NSD1: variants seen among roughly 807,000 people sequenced by gnomAD.
The protein encoded by NSD1 is histone-lysine N-methyltransferase, H3 lysine-36 specific.
A neutral mutation model predicts 242.7 loss-of-function variants in NSD1; 26 were observed. The observed-to-expected ratio is 0.11, with a 90% CI of 0.08 to 0.15. The LOEUF (loss-of-function observed/expected upper bound fraction) is 0.15. NSD1 is among the 10% of genes least tolerant of loss of function. The probability of loss-of-function intolerance (pLI) is 1.00; values close to 1 mark genes in which losing one functional copy is unlikely to be tolerated. For missense variants in NSD1, 2,495 were observed against 3,272.8 expected (o/e 0.76, Z 5.80); for synonymous variants, 1,106 against 1,178.1 (o/e 0.94, Z 1.25).
chr5:177,221,808 T>G (rs1764261671), intron 5 of NSD1, among the ~76,000 whole-genome samples: 1 of 151,692 alleles, frequency 6.6e-6, no homozygotes. Context: ...TTGTTGTTGT[T>G]TTTGTTTTTT....
chr5:177,264,058 A>C (rs1757221035), intron 14 of NSD1, among the ~76,000 whole-genome samples: 1 of 39,100 alleles, frequency 2.6e-5, no homozygotes. Context: ...TTTTTTTGAG[A>C]TGGAGTCTGG....
chr5:177,186,088 TA>T (rs1761200966), intron 2 of NSD1, among the ~76,000 whole-genome samples: 1 of 120,680 alleles, frequency 8.3e-6, no homozygotes. Context: ...TAATATATTA[TA>T]TATAACATAT....
intron 2 of NSD1, among the ~76,000 whole-genome samples, chr5:177,155,416 C>T (rs1205430804): frequency 6.6e-6 from 1 of 152,034 alleles, no homozygotes; most frequent in Non-Finnish European, 1.5e-5. Context: ...GAGTGAGCCA[C>T]TAGGTGTGAC....
At chr5:177,214,335 G>A (rs1581335873) in intron 5 of NSD1, among the ~76,000 whole-genome samples, 3 of 152,178 alleles carry the variant, frequency 2.0e-5, no homozygotes, top group South Asian at 4.1e-4. Context: ...GAGACAGAGC[G>A]AAACCCCATT....
At position 177,294,558 on chromosome 5, in the gene NSD1, G is replaced by A. The variant is rs2127281888; in HGVS notation, c.7190G>A (p.Ser2397Asn). 2 of 1,614,216 alleles carry A rather than the reference G, an allele frequency of 1.2e-6. No individual in the cohort carries two copies. The highest frequency in any genetic ancestry group is 2.7e-5 in the African/African-American group (2 of 75,050). Reference protein sequence around the residue: ...PPPDRLLITSSPKPQTSDRPT... With the variant: ...PPPDRLLITSNPKPQTSDRPT... ...CCAGACAGACTGCTCATTACTAGCA[G>A]TCCCAAACCCCAGACTTCAGACAGG... The change falls in exon 23 of 23, where the codon AGT becomes AAT. Residue 2397 changes from serine (S) to asparagine (N), a missense_variant. Around this residue, in one of 19 missense-constraint regions of NSD1, gnomAD observed 475 missense variants for 563.7 expected, o/e 0.84. Transcript: ENST00000439151.
At position 177,197,397 on chromosome 5, in the gene NSD1, C is replaced by T. The variant is rs935684643; in HGVS notation, c.1063+5378C>T. 3.9e-5 allele frequency among the ~76,000 whole-genome samples: 6 copies of T among 152,294 alleles called. No homozygotes were observed. In the East Asian group the frequency reaches 9.6e-4, roughly 24 times the overall value. Reference sequence around the variant, plus strand: ...CAGCACTTCGGGAGGCCGAGGCAGGCGGATCACAAGGTCAGGCGATGGAGA... The same window carrying T: ...CAGCACTTCGGGAGGCCGAGGCAGGTGGATCACAAGGTCAGGCGATGGAGA... On this transcript the variant is annotated intron_variant, in intron 3 of 22. Transcript: ENST00000439151.
At chr5:177,244,589 A>C (rs150613565) in intron 9 of NSD1, among the ~76,000 whole-genome samples, 4 of 152,246 alleles carry the variant, frequency 2.6e-5, no homozygotes, top group East Asian at 1.9e-4. Context: ...CTAAATCCAC[A>C]CCTGACCAAT....
intron 12 of NSD1, among the ~76,000 whole-genome samples, chr5:177,254,419 C>T (rs568454164): frequency 2.0e-5 from 3 of 151,520 alleles, no homozygotes; most frequent in African/African-American, 7.3e-5. Context: ...TTTTAATCTG[C>T]GACAGAGTCT....
intron 16 of NSD1, 125 bp from the exon 17 acceptor site, chr5:177,273,547 T>G: frequency 1.3e-6 from 1 of 744,660 alleles, no homozygotes; most frequent in Non-Finnish European, 2.4e-6. Flanking sequence ...TCATATAGCA[T>G]TGGTCGATTT....
At chr5:177,289,368 C>T (rs932242200) in intron 21 of NSD1, among the ~76,000 whole-genome samples, 1 of 151,932 alleles carries the variant, frequency 6.6e-6, no homozygotes, top group Admixed American at 6.6e-5. Context: ...GTTGATAGGG[C>T]CACTTGCAAT....
intron 18 of NSD1, 87 bp from the exon 19 acceptor site, chr5:177,282,378 G>A (rs1758960720): frequency 1.2e-6 from 1 of 853,568 alleles, no homozygotes; most frequent in Admixed American, 1.7e-5. Flanking sequence ...AGAATGTGAT[G>A]TTTTCATTAA....
chr5:177,135,795 C>T lies in NSD1; in HGVS notation c.692C>T (p.Pro231Leu). ...AAATCGCCATTCTTGCCATTAGCTC[C>T]TCAGACTGAAACACAGAAAAATAAG... is the stretch of plus-strand genomic sequence containing the variant. ...AVKSPFLPLA[P>L]QTETQKNKQR... The change falls in exon 2 of 23, where the codon CCT becomes CTT. Residue 231 changes from proline to leucine, a missense_variant. By Grantham distance (98) the Pro-to-Leu change is moderately conservative. Transcript: ENST00000439151. 5.6e-6 allele frequency: 9 copies of T among 1,611,766 alleles called. No homozygotes were observed. Among genetic ancestry groups the T allele is most frequent in the East Asian group, 2.2e-5 (1 of 44,838 alleles).
At chr5:177,256,562 C>T (rs1756487211) in intron 12 of NSD1, among the ~76,000 whole-genome samples, 1 of 152,206 alleles carries the variant, frequency 6.6e-6, no homozygotes, top group African/African-American at 2.4e-5. Flanking sequence ...GGATTGTAGG[C>T]GTGAGCCTCC....
chr5:177,188,230 A>T (rs1035950224), intron 2 of NSD1, among the ~76,000 whole-genome samples: 6 of 152,146 alleles, frequency 3.9e-5, no homozygotes, highest in African/African-American at 1.4e-4. Context: ...AAAATTTTTA[A>T]GCTGGTCTTA....
rs61538775 is a variant in NSD1, at chr5:177,264,028, A to ATTT, written c.5147-3510_5147-3508dup. On this transcript the variant is annotated intron_variant, in intron 14 of 22. Transcript: ENST00000439151. ...AAGATGCATATGACTCAATGAACCA[A>ATTT]TTTTTTTTTTTTTTTTTTTTTTTTT... Among the ~76,000 whole-genome samples the ATTT allele has an allele frequency of 5.9e-3, 453 of 76,364 alleles. 74 individuals are homozygous for ATTT. Among genetic ancestry groups the ATTT allele is most frequent in the Middle Eastern group, 0.017 (2 of 118 alleles). The allele number at this position is 76,364 out of a possible 152,430, so 50.1% of individuals were successfully genotyped here.
intron 2 of NSD1, among the ~76,000 whole-genome samples, chr5:177,176,352 CAGGTTCA>C (rs1442188693): frequency 6.6e-6 from 1 of 151,940 alleles, no homozygotes; most frequent in Non-Finnish European, 1.5e-5. Flanking sequence ...ATCCACCTCC[CAGGTTCA>C]AGCAATTTTT....
chr5:177,259,125 G>A (rs998933575), intron 13 of NSD1, among the ~76,000 whole-genome samples: 1 of 152,168 alleles, frequency 6.6e-6, no homozygotes, highest in Non-Finnish European at 1.5e-5. Flanking sequence ...TTGAGCCACC[G>A]CGCCTGGAAA....
intron 2 of NSD1, among the ~76,000 whole-genome samples, chr5:177,139,908 C>T (rs1237475693): frequency 1.4e-5 from 2 of 146,496 alleles, no homozygotes. Context: ...CATGCCACTG[C>T]ATTCCAGCCT....
At chr5:177,144,272 A>T (rs759315354) in intron 2 of NSD1, among the ~76,000 whole-genome samples, 11 of 151,180 alleles carry the variant, frequency 7.3e-5, no homozygotes, top group Non-Finnish European at 1.2e-4. Flanking sequence ...CCCAGGCTAG[A>T]GTGCAGTGGC....
Sources: gnomAD v4.1 joint callset for allele counts (sites outside exome capture counted in the v4.1 genomes callset) on GRCh38, gnomAD v4.1.1 for gene constraint, gnomAD v4.1.1 regional missense constraint, MANE v1.5 for transcripts, NCBI Gene and HGNC (gene_info 2026-07-23, HGNC 2026-07-21) for gene names.